STRA8: variants seen among roughly 807,000 people sequenced by gnomAD.
STRA8 encodes stimulated by retinoic acid 8, also known as stimulated by retinoic acid gene 8 protein homolog.
Under a neutral mutation model 37.1 loss-of-function variants are expected in STRA8, and 18 were observed. The observed-to-expected ratio is 0.48, with a 90% CI of 0.34 to 0.72. The LOEUF (loss-of-function observed/expected upper bound fraction) is 0.72, where lower values mean the gene tolerates loss of function less well. Ranked by LOEUF, STRA8 falls within the 30% of genes least tolerant of loss-of-function variation. The probability of loss-of-function intolerance (pLI) is 0.01; values close to 1 mark genes in which losing one functional copy is unlikely to be tolerated. For synonymous variants in STRA8, 168 were observed against 162.9 expected, an observed-to-expected ratio of 1.03 and a Z score of -0.24; for missense variants, 357 against 410.4, an observed-to-expected ratio of 0.87 and a Z score of 1.13.
At chr7:135,254,229 G>A (rs1832675231) in intron 7 of STRA8, among the ~76,000 whole-genome samples, 1 of 151,978 alleles carries the variant, frequency 6.6e-6, no homozygotes, top group African/African-American at 2.4e-5. Context: ...TCCTTGCCAG[G>A]CAATATTCAG....
chr7:135,238,451 G>A (rs972701833), intron 1 of STRA8, among the ~76,000 whole-genome samples: 2 of 152,234 alleles, frequency 1.3e-5, no homozygotes, highest in Non-Finnish European at 2.9e-5. Flanking sequence ...CAGGCTGAGC[G>A]TGTTTGGGCA....
intron 4 of STRA8, 100 bp from the exon 5 acceptor site, chr7:135,245,188 T>A (rs1343897024): frequency 1.1e-5 from 8 of 745,312 alleles, no homozygotes; most frequent in Middle Eastern, 2.3e-4. Flanking sequence ...CACACACACA[T>A]ACATATACAT....
At chr7:135,238,181 G>A (rs1367268300) in intron 1 of STRA8, among the ~76,000 whole-genome samples, 1 of 152,162 alleles carries the variant, frequency 6.6e-6, no homozygotes, top group East Asian at 1.9e-4. Flanking sequence ...CCTGCGGTGT[G>A]CCCCCTCCCT....
intron 1 of STRA8, among the ~76,000 whole-genome samples, chr7:135,234,504 G>C (rs2117780866): frequency 6.6e-6 from 1 of 152,252 alleles, no homozygotes; most frequent in Non-Finnish European, 1.5e-5. Flanking sequence ...ATACTGTCTG[G>C]GGCTTGCTAA....
chr7:135,253,254 G>T (rs1832661118), intron 7 of STRA8, among the ~76,000 whole-genome samples: 1 of 152,110 alleles, frequency 6.6e-6, no homozygotes. Context: ...TTTTATAAGG[G>T]CACTAATCCC....
chr7:135,247,037 G>A lies in STRA8; in HGVS notation c.879+335G>A, dbSNP rs1832571282. On this transcript the variant is annotated intron_variant, in intron 6 of 8. Transcript: ENST00000662584. ...TTTTTTTGTATTTTTAGTAGAGACG[G>A]GGTTTCACTGTGTTAGCCAGGATGG... The A allele has an allele frequency of 2.4e-5, 6 of 254,064 alleles. No homozygotes were observed. The South Asian group carries it at 3.6e-4, about 15-fold the overall frequency. The allele number at this position is 254,064 out of a possible 1,614,324, so 15.7% of individuals were successfully genotyped here. A position where few individuals can be genotyped will look rare whatever the true frequency, so the allele number is the denominator to read the frequency against.
At position 135,237,046 on chromosome 7, in the gene STRA8, A is replaced by G. The variant is rs1562968164; in HGVS notation, c.-7+3143A>G. Among the ~76,000 whole-genome samples the G allele has an allele frequency of 3.9e-5, 6 of 152,198 alleles. No homozygotes were observed. The South Asian group carries it at 8.3e-4, about 21-fold the overall frequency. On this transcript the variant is annotated intron_variant, in intron 1 of 8. Transcript: ENST00000662584. ...TGGCCTGGGACTGGGAAGCTCATTA[A>G]AGGAATTGGGACTTAAACTGGGAAG... is the stretch of plus-strand genomic sequence containing the variant.
intron 6 of STRA8, among the ~76,000 whole-genome samples, chr7:135,249,651 C>T (rs1158957851): frequency 6.6e-6 from 1 of 152,242 alleles, no homozygotes; most frequent in Non-Finnish European, 1.5e-5. Context: ...CTGTGATGTT[C>T]ACATGACAAA....
chr7:135,232,650 G>A (rs1027779869), upstream of STRA8, among the ~76,000 whole-genome samples: 2 of 152,044 alleles, frequency 1.3e-5, no homozygotes, highest in African/African-American at 4.8e-5. Context: ...TAGAAGGGGA[G>A]AATGAGAATT....
chr7:135,252,901 G>A (rs900910864), intron 7 of STRA8, among the ~76,000 whole-genome samples: 3 of 152,108 alleles, frequency 2.0e-5, no homozygotes, highest in Non-Finnish European at 2.9e-5. Context: ...ATGGTGTAGG[G>A]GCAAGGAATC....
intron 6 of STRA8, among the ~76,000 whole-genome samples, chr7:135,247,541 A>G (rs1832579296): frequency 6.6e-6 from 1 of 152,192 alleles, no homozygotes. Flanking sequence ...GTTAAGGAAG[A>G]ACTTTTCCGG....
chr7:135,240,847 C>A, intron 2 of STRA8, 131 bp downstream of exon 2: 1 of 949,724 alleles, frequency 1.1e-6, no homozygotes, highest in Non-Finnish European at 1.6e-6. Context: ...GACAAATGCC[C>A]TAGACAGGGT....
rs1244684033 is a variant in STRA8 at position 135,245,429 on chromosome 7, GGAAGAGGAGGAA to G, written c.498_509del (p.Glu175_Glu178del). The G allele has an allele frequency of 2.0e-5, 15 of 761,776 alleles. No individual in the cohort carries two copies. The highest frequency in any genetic ancestry group is 1.2e-4 in the African/African-American group (7 of 58,216). The allele number at this position is 761,776 out of a possible 1,614,324, so 47.2% of individuals were successfully genotyped here. A position where few individuals can be genotyped will look rare whatever the true frequency, so the allele number is the denominator to read the frequency against. On this transcript the variant is annotated inframe_deletion, in exon 5 of 9. Coordinates refer to ENST00000662584, the MANE Select transcript of STRA8 (RefSeq NM_001394401.1). ...AGGAGGAAGAAGAAGAGGAGGAGGA[GGAAGAGGAGGAA>G]GAGGAAGAGGAGGAGGAGGAAGAGG... is the stretch of plus-strand genomic sequence containing the variant.
chr7:135,258,335 C>T (rs11979453), intron 8 of STRA8, 83 bp from the exon 9 acceptor site: 72 of 1,156,482 alleles, frequency 6.2e-5, no homozygotes, highest in Admixed American at 8.3e-5. Flanking sequence ...CTGGGCACAC[C>T]GGAGATGCAG....
intron 1 of STRA8, among the ~76,000 whole-genome samples, chr7:135,239,784 A>C (rs1832432972): frequency 6.6e-6 from 1 of 152,236 alleles, no homozygotes; most frequent in African/African-American, 2.4e-5. Flanking sequence ...GATCATCTCC[A>C]GAACCCACTA....
At chr7:135,237,234 C>A (rs1414199371) in intron 1 of STRA8, among the ~76,000 whole-genome samples, 1 of 152,188 alleles carries the variant, frequency 6.6e-6, no homozygotes, top group Non-Finnish European at 1.5e-5. Flanking sequence ...TATTAAAATG[C>A]AGTTCCAGGC....
At chr7:135,243,230 G>A (rs999600808) in intron 3 of STRA8, 96 bp from the exon 4 acceptor site, 12 of 1,305,312 alleles carry the variant, frequency 9.2e-6, no homozygotes, top group Middle Eastern at 1.9e-4. Flanking sequence ...AGGGTTCAGG[G>A]TCCCACCCAC....
intron 7 of STRA8, 39 bp from the exon 8 acceptor site, chr7:135,255,075 C>A: frequency 6.6e-7 from 1 of 1,504,928 alleles, no homozygotes; most frequent in Non-Finnish European, 9.3e-7. Flanking sequence ...AGATCAGGAT[C>A]CTGAATATTT....
chr7:135,246,462 C>T lies in STRA8; in HGVS notation c.639C>T (p.Ser213=). ...AGACGATGGACCTTCTGACTGGCAG[C>T]GGGATCATTACCCCGCAGGAGGCGG... ...YKQTMDLLTG[S]GIITPQEAAL... The change falls in exon 6 of 9, where the codon AGC becomes AGT. Residue 213 remains serine, a synonymous_variant. Coordinates refer to ENST00000662584, the MANE Select transcript of STRA8 (RefSeq NM_001394401.1). This position sits in a 1 kb window ranked among gnomAD's most constrained non-coding sequence, Gnocchi z 5.4. 2 of 1,599,140 alleles carry T rather than the reference C, an allele frequency of 1.3e-6. No individual in the cohort carries two copies. Among genetic ancestry groups the T allele is most frequent in the Non-Finnish European group, 1.7e-6 (2 of 1,172,394 alleles).
Sources: allele counts gnomAD v4.1 joint callset (sites outside exome capture counted in the v4.1 genomes callset), GRCh38; gene constraint gnomAD v4.1.1; non-coding constraint Gnocchi (gnomAD v3.1); transcripts MANE v1.5; gene names NCBI Gene and HGNC (gene_info 2026-07-23, HGNC 2026-07-21).